Variants in ABCA1 observed in about 807,000 individuals in gnomAD.
The protein encoded by ABCA1 is phospholipid-transporting ATPase ABCA1.
Under a neutral mutation model 262.5 loss-of-function variants are expected in ABCA1, and 133 were observed. The ratio of observed to expected loss-of-function variants is 0.51; its 90% CI spans 0.44 to 0.59. ABCA1 has a LOEUF of 0.59. Among genes scored for constraint, ABCA1 ranks in the 20% least tolerant of loss-of-function variants. The pLI is 0.00. For missense variants in ABCA1, 2,452 were observed against 2,777.5 expected (o/e 0.88, Z 2.63); for synonymous variants, 1,022 against 1,043.5 (o/e 0.98, Z 0.40).
intron 28 of ABCA1, 115 bp downstream of exon 28, chr9:104,812,459 T>C: frequency 7.3e-7 from 1 of 1,374,186 alleles, no homozygotes; most frequent in Non-Finnish European, 1.0e-6. Flanking sequence ...GAAATACAGA[T>C]AAATCTGGCT....
At chr9:104,797,558 G>A (rs188997156) in intron 37 of ABCA1, among the ~76,000 whole-genome samples, 7 of 115,516 alleles carry the variant, frequency 6.1e-5, no homozygotes, top group Middle Eastern at 7.8e-3. Flanking sequence ...TTAATTCTTG[G>A]CTTTGCTTTT....
At chr9:104,882,028 TAAA>T (rs557626075) in intron 5 of ABCA1, among the ~76,000 whole-genome samples, 1,780 of 73,620 alleles carry the variant, frequency 0.024, 35 homozygotes, top group Non-Finnish European at 0.036. Flanking sequence ...TCTGTAGCCT[TAAA>T]AAAAAAAAAA....
intron 5 of ABCA1, among the ~76,000 whole-genome samples, chr9:104,878,690 A>C (rs775308126): frequency 1.5e-4 from 23 of 152,180 alleles, no homozygotes; most frequent in Non-Finnish European, 2.8e-4. Context: ...GAGACGCTCA[A>C]TATATAAGGG....
chr9:104,856,127 T>C (rs1410043504), intron 7 of ABCA1: 4 of 1,552,234 alleles, frequency 2.6e-6, no homozygotes, highest in South Asian at 2.5e-5. Context: ...CAAGCAGCAA[T>C]AGAAAAAGGC....
At chr9:104,839,094 C>T (rs1460535505) in intron 9 of ABCA1, among the ~76,000 whole-genome samples, 3 of 152,184 alleles carry the variant, frequency 2.0e-5, no homozygotes, top group South Asian at 2.1e-4. Flanking sequence ...TCCCCTGCAT[C>T]AAGTTTTCAA....
Position 104,812,604 on chromosome 9 carries a change from G to A in ABCA1, c.4020C>T (p.Ala1340=). Residue 1340 remains alanine, a synonymous_variant, in exon 28 of 50, where the codon GCC becomes GCT. Coordinates refer to ENST00000374736, the MANE Select transcript of ABCA1 (RefSeq NM_005502.4). The part of the protein sequence containing the change: ...VALLWKRLLI[A]RRSRKGFFAQ... The stretch of plus-strand genomic sequence containing the variant: ...CAAAAAATCCTTTCCGACTCCGTCT[G>A]GCAATTAGCAGTCTCTTCCACAAAA... 6.2e-7 allele frequency: 1 copy of A among 1,614,188 alleles called. No individual in the cohort carries two copies. Among genetic ancestry groups the A allele is most frequent in the Non-Finnish European group, 8.5e-7 (1 of 1,180,044 alleles).
At chr9:104,789,179 A>AC (rs1177453880) in intron 44 of ABCA1, among the ~76,000 whole-genome samples, 3 of 151,868 alleles carry the variant, frequency 2.0e-5, no homozygotes, top group African/African-American at 7.3e-5. Context: ...TCTAATTAGC[A>AC]CCCCCAGGGT....
chr9:104,872,236 T>C (rs577477098), intron 5 of ABCA1, among the ~76,000 whole-genome samples: 2 of 152,330 alleles, frequency 1.3e-5, no homozygotes, highest in South Asian at 2.1e-4. Context: ...ATCTGGAGAA[T>C]ATCTTGCTCA....
intron 11 of ABCA1, among the ~76,000 whole-genome samples, chr9:104,834,541 G>A (rs1264985123): frequency 1.3e-5 from 2 of 148,686 alleles, no homozygotes; most frequent in East Asian, 2.2e-4. Context: ...GGGTGAAGTC[G>A]GCCCTGCCCA....
At chr9:104,798,801 G>T (rs913858720) in intron 36 of ABCA1, among the ~76,000 whole-genome samples, 1 of 152,106 alleles carries the variant, frequency 6.6e-6, no homozygotes, top group African/African-American at 2.4e-5. Context: ...ATATGACAAT[G>T]TAAATGCCAA....
At chr9:104,856,007 T>C in intron 7 of ABCA1, 1 of 1,612,898 alleles carries the variant, frequency 6.2e-7, no homozygotes, top group Non-Finnish European at 8.5e-7. Context: ...ATGTTGGGCT[T>C]TGCATCTCCG....
At position 104,817,553 on chromosome 9, in the gene ABCA1, G is replaced by T; in HGVS notation, c.3463-149C>A. 1.2e-6 allele frequency: 1 copy of T among 833,430 alleles called. No homozygotes were observed. Among genetic ancestry groups the T allele is most frequent in the Non-Finnish European group, 2.0e-6 (1 of 505,752 alleles). The allele number at this position is 833,430 out of a possible 1,614,324, so 51.6% of individuals were successfully genotyped here. On this transcript the variant is annotated intron_variant, in intron 23 of 49. Coordinates refer to ENST00000374736, the MANE Select transcript of ABCA1 (RefSeq NM_005502.4). The surrounding 1 kb of genome is among the most constrained non-coding windows in gnomAD (Gnocchi z 4.7). Reference sequence around the variant, plus strand: ...TGGGACACATGCACTGGCAGCCGTGGCTTCAGAGGACCCTGTCTGGCATGT... The same window carrying T: ...TGGGACACATGCACTGGCAGCCGTGTCTTCAGAGGACCCTGTCTGGCATGT...
intron 7 of ABCA1, chr9:104,855,780 C>A: frequency 6.4e-7 from 1 of 1,567,134 alleles, no homozygotes; most frequent in Non-Finnish European, 8.7e-7. Flanking sequence ...CCAGCTGACC[C>A]TCCCACACTG....
At chr9:104,849,627 T>A (rs1290919150) in intron 7 of ABCA1, among the ~76,000 whole-genome samples, 1 of 152,208 alleles carries the variant, frequency 6.6e-6, no homozygotes, top group East Asian at 1.9e-4. Flanking sequence ...ATCACAGGGT[T>A]AACAAAACAC....
intron 44 of ABCA1, 112 bp from the exon 45 acceptor site, chr9:104,788,679 ACAT>A (rs1829140835): frequency 9.2e-6 from 12 of 1,310,236 alleles, no homozygotes; most frequent in Non-Finnish European, 1.3e-5. Context: ...AGATACCAAT[ACAT>A]CTGCTGCTAC....
chr9:104,866,623 AG>A (rs1262287325), intron 5 of ABCA1, among the ~76,000 whole-genome samples: 1 of 151,988 alleles, frequency 6.6e-6, no homozygotes. Flanking sequence ...TTGGGATTAC[AG>A]GCACCCGCCA....
chr9:104,821,192 G>C (rs1368235417), intron 20 of ABCA1, among the ~76,000 whole-genome samples, 183 bp downstream of exon 20: 1 of 152,088 alleles, frequency 6.6e-6, no homozygotes, highest in African/African-American at 2.4e-5. Flanking sequence ...GCAGTGAGCC[G>C]AGATCGCGCC....
chr9:104,889,091 C>T lies in ABCA1; in HGVS notation c.160+11G>A, dbSNP rs201711958. The T allele has an allele frequency of 5.2e-5, 83 of 1,611,474 alleles. No homozygotes were observed. Among genetic ancestry groups the T allele is most frequent in the Non-Finnish European group, 7.0e-5 (82 of 1,177,618 alleles). On this transcript the variant is annotated intron_variant, in intron 3 of 49. Transcript: ENST00000374736. ...ATTGGTGAGTCTCAGGCAACATCCA[C>T]AGTTACTTACATTCATGTTGTTCAT...
chr9:104,823,567 A>G (rs1832563412), intron 18 of ABCA1, among the ~76,000 whole-genome samples: 1 of 152,142 alleles, frequency 6.6e-6, no homozygotes, highest in Admixed American at 6.5e-5. Context: ...CAGGGCAGAG[A>G]GTGACTGACT....
Sources: gnomAD v4.1 joint callset for allele counts (sites outside exome capture counted in the v4.1 genomes callset) on GRCh38, gnomAD v4.1.1 for gene constraint, Gnocchi (gnomAD v3.1) non-coding constraint, MANE v1.5 for transcripts, NCBI Gene and HGNC (gene_info 2026-07-23, HGNC 2026-07-21) for gene names.